Variants in AMOTL1 observed in about 807,000 individuals in gnomAD.
AMOTL1 encodes the protein angiomotin-like protein 1.
Under a neutral mutation model 102.9 loss-of-function variants are expected in AMOTL1, and 45 were observed. The observed-to-expected ratio is 0.44, with a 90% CI of 0.34 to 0.56. The LOEUF (loss-of-function observed/expected upper bound fraction) is 0.56. AMOTL1 is among the 20% of genes least tolerant of loss of function. The pLI, the probability that AMOTL1 is intolerant of heterozygous loss-of-function variation, is 0.01. For synonymous variants in AMOTL1, 481 were observed against 484.7 expected (o/e 0.99, Z 0.10); for missense variants, 1,114 against 1,225.6 (o/e 0.91, Z 1.36).
intron 1 of AMOTL1, among the ~76,000 whole-genome samples, chr11:94,712,986 C>G (rs1281540061): frequency 1.3e-5 from 2 of 151,766 alleles, no homozygotes; most frequent in Non-Finnish European, 3.0e-5. Flanking sequence ...GGTCTTTAAT[C>G]TATTTTGAAT....
chr11:94,859,163 A>T (rs915722111), intron 8 of AMOTL1, among the ~76,000 whole-genome samples: 2 of 152,126 alleles, frequency 1.3e-5, no homozygotes, highest in African/African-American at 4.8e-5. Flanking sequence ...CTTAATTCCT[A>T]TTCTTGCTTT....
chr11:94,779,477 G>T (rs1335936324), intron 1 of AMOTL1, among the ~76,000 whole-genome samples: 1 of 152,188 alleles, frequency 6.6e-6, no homozygotes, highest in East Asian at 1.9e-4. Flanking sequence ...TCAAGATTAT[G>T]ATTCCAAAAT....
chr11:94,830,053 G>A lies in AMOTL1; in HGVS notation c.1417G>A (p.Glu473Lys), dbSNP rs1952041624. Residue 473 changes from glutamate to lysine, a missense_variant, in exon 5 of 13, where the codon GAA becomes AAA. Physicochemically the swap from Glu to Lys is moderately conservative, Grantham distance 56. Transcript: ENST00000433060. ...YDNADKLHKF[E>K]KELQRISEAY... ...TAATGCCAGTTCTTTCTTTTAGTTT[G>A]AAAAAGAACTTCAGAGAATTTCGGA... 1.3e-6 allele frequency: 2 copies of A among 1,590,788 alleles called. No homozygotes were observed. Among genetic ancestry groups the A allele is most frequent in the Non-Finnish European group, 1.7e-6 (2 of 1,171,474 alleles).
intron 3 of AMOTL1, among the ~76,000 whole-genome samples, chr11:94,814,739 A>G (rs533846951): frequency 8.3e-4 from 127 of 152,306 alleles, no homozygotes; most frequent in African/African-American, 2.9e-3. Context: ...CTAATTGTCT[A>G]TTTGTGAGCC....
At chr11:94,819,803 G>A (rs1304632977) in intron 3 of AMOTL1, among the ~76,000 whole-genome samples, 1 of 152,182 alleles carries the variant, frequency 6.6e-6, no homozygotes, top group Non-Finnish European at 1.5e-5. Context: ...ATTGAGATCT[G>A]TCTCAGATAC....
At chr11:94,790,001 C>T (rs945121949) in intron 1 of AMOTL1, among the ~76,000 whole-genome samples, 5 of 152,218 alleles carry the variant, frequency 3.3e-5, no homozygotes, top group African/African-American at 7.2e-5. Context: ...AGGAATGGGT[C>T]GCTGGCCTGT....
chr11:94,871,070 C>T lies in AMOTL1; in HGVS notation c.*275C>T, dbSNP rs1230955196. On this transcript the variant is annotated 3_prime_UTR_variant, in exon 13 of 13. Coordinates refer to ENST00000433060, the MANE Select transcript of AMOTL1 (RefSeq NM_130847.3). ...TTAAGAAATAGGAAACTGAATTTTT[C>T]ATTGTACAGAAAATGTATCTCTTGG... 1 of 303,344 alleles carries T rather than the reference C, an allele frequency of 3.3e-6. No homozygotes were observed. The highest frequency in any genetic ancestry group is 2.1e-5 in the African/African-American group (1 of 47,252). The allele number at this position is 303,344 out of a possible 1,614,324, so 18.8% of individuals were successfully genotyped here.
At chr11:94,763,548 C>G (rs1487776880), upstream of AMOTL1, among the ~76,000 whole-genome samples, 3 of 152,266 alleles carry the variant, frequency 2.0e-5, no homozygotes, top group East Asian at 5.8e-4. Context: ...CTTCTGACTC[C>G]CCAAAAACTT....
chr11:94,759,817 A>G (rs779855335), intron 3 of AMOTL1, among the ~76,000 whole-genome samples: 1 of 152,212 alleles, frequency 6.6e-6, no homozygotes, highest in Non-Finnish European at 1.5e-5. Context: ...CTGGATTATG[A>G]TCTTTCTTCT....
At chr11:94,848,894 G>A (rs1362141822) in intron 6 of AMOTL1, among the ~76,000 whole-genome samples, 3 of 152,142 alleles carry the variant, frequency 2.0e-5, no homozygotes, top group South Asian at 2.1e-4. Context: ...TTAAATTAAC[G>A]AATGAATATA....
At position 94,874,622 on chromosome 11, in the gene AMOTL1, A is replaced by G. The variant is rs906290947; in HGVS notation, c.*3827A>G. On this transcript the variant is annotated 3_prime_UTR_variant, in exon 13 of 13. Transcript: ENST00000433060. ...AATGCCCCGTGCAGAGCAGCCAGTC[A>G]TTACTCTTGTTTGTTCTCACCTGGG... is the stretch of plus-strand genomic sequence containing the variant. The G allele has an allele frequency of 1.3e-5, 2 of 152,326 alleles. No homozygotes were observed. Among genetic ancestry groups the G allele is most frequent in the African/African-American group, 4.8e-5 (2 of 41,564 alleles). The allele number at this position is 152,326 out of a possible 1,614,324, so 9.4% of individuals were successfully genotyped here.
intron 1 of AMOTL1, among the ~76,000 whole-genome samples, chr11:94,792,883 G>A (rs1951309098): frequency 6.6e-6 from 1 of 152,098 alleles, no homozygotes; most frequent in African/African-American, 2.4e-5. Flanking sequence ...CCTCTTTGTA[G>A]TGTTCTGTGG....
chr11:94,751,718 C>G (rs1479725564), intron 3 of AMOTL1, among the ~76,000 whole-genome samples: 65 of 148,364 alleles, frequency 4.4e-4, no homozygotes, highest in African/African-American at 1.6e-3. Context: ...AAAAAAAGAT[C>G]AAGGAAAGAG....
chr11:94,774,686 G>A (rs1174813238), intron 1 of AMOTL1, among the ~76,000 whole-genome samples: 1 of 152,106 alleles, frequency 6.6e-6, no homozygotes, highest in Non-Finnish European at 1.5e-5. Context: ...TTGAGGATAG[G>A]GCCTAAGACT....
chr11:94,870,204 G>T (rs999687491), intron 12 of AMOTL1, among the ~76,000 whole-genome samples: 7 of 152,188 alleles, frequency 4.6e-5, no homozygotes, highest in African/African-American at 7.2e-5. Context: ...GACTAATCAT[G>T]GTCATGGGGA....
chr11:94,831,567 C>G, intron 6 of AMOTL1, 26 bp downstream of exon 6: 1 of 1,591,732 alleles, frequency 6.3e-7, no homozygotes, highest in Non-Finnish European at 8.6e-7. Context: ...TTTATTATCC[C>G]AAAGTTTGTT....
upstream of AMOTL1, among the ~76,000 whole-genome samples, chr11:94,767,806 G>C (rs541220733): frequency 6.6e-6 from 1 of 151,788 alleles, no homozygotes; most frequent in Non-Finnish European, 1.5e-5. Flanking sequence ...GTACGGTTCT[G>C]CGAACACATT....
At chr11:94,792,805 A>G (rs73514288) in intron 1 of AMOTL1, among the ~76,000 whole-genome samples, 1 of 152,148 alleles carries the variant, frequency 6.6e-6, no homozygotes, top group South Asian at 2.1e-4. Context: ...GACACTGAGG[A>G]AACAGTGGTG....
chr11:94,707,268 G>A (rs1949947354), intron 1 of AMOTL1, among the ~76,000 whole-genome samples: 2 of 151,626 alleles, frequency 1.3e-5, no homozygotes, highest in Admixed American at 6.6e-5. Flanking sequence ...GTGTGTGTGT[G>A]TGTGTGTGTG....
Sources: gnomAD v4.1 joint callset for allele counts (sites outside exome capture counted in the v4.1 genomes callset) on GRCh38, gnomAD v4.1.1 for gene constraint, MANE v1.5 for transcripts, NCBI Gene and HGNC (gene_info 2026-07-23, HGNC 2026-07-21) for gene names.